Variants in CC2D2B observed in about 807,000 individuals in gnomAD.
CC2D2B encodes the protein protein CC2D2B.
A neutral mutation model predicts 161.2 loss-of-function variants in CC2D2B; 128 were observed. The ratio of observed to expected loss-of-function variants is 0.79; its 90% confidence interval spans 0.69 to 0.92. CC2D2B has a LOEUF of 0.92. Ranked by LOEUF, CC2D2B falls within the 40% of genes least tolerant of loss-of-function variation. The pLI, the probability that CC2D2B is intolerant of heterozygous loss-of-function variation, is 0.00. For synonymous variants in CC2D2B, 391 were observed against 449.8 expected, an observed-to-expected ratio of 0.87 and a Z score of 1.65; for missense variants, 1,173 against 1,375.1, an observed-to-expected ratio of 0.85 and a Z score of 2.32.
intron 6 of CC2D2B, among the ~76,000 whole-genome samples, chr10:95,930,302 C>T (rs1045722728): frequency 3.9e-5 from 6 of 152,280 alleles, no homozygotes; most frequent in East Asian, 1.9e-4. Flanking sequence ...TGGGCTGAGA[C>T]GATGGGGTTT....
chr10:95,945,250 A>ATTT, intron 9 of CC2D2B, among the ~76,000 whole-genome samples: 1 of 152,310 alleles, frequency 6.6e-6, no homozygotes, highest in South Asian at 2.1e-4. Context: ...CATGTCCTAG[A>ATTT]TTTTGTGTCA....
intron 23 of CC2D2B, among the ~76,000 whole-genome samples, chr10:95,995,691 G>T (rs1257944532): frequency 6.6e-6 from 1 of 152,130 alleles, no homozygotes; most frequent in Non-Finnish European, 1.5e-5. Context: ...TGTTTCCTTT[G>T]CCTGGAATGG....
intron 24 of CC2D2B, among the ~76,000 whole-genome samples, chr10:96,003,021 A>AATATATATATATATATATATATATATAT (rs57187442): frequency 1.1e-4 from 15 of 140,682 alleles, no homozygotes; most frequent in African/African-American, 1.6e-4. Context: ...AAAATAAATA[A>AATATATATATATATATATATATATATAT]ATATATATAT....
rs932713361 is a variant in CC2D2B at position 96,032,538 on chromosome 10, A to C, written c.*530A>C. On this transcript the variant is annotated 3_prime_UTR_variant, in exon 35 of 35. Transcript: ENST00000646931. Reference sequence around the variant, plus strand: ...GCCTTATAGAATGTTGTCACTACTAAACTAAGGCTGGTACGTTTGATGCTG... The same window carrying C: ...GCCTTATAGAATGTTGTCACTACTACACTAAGGCTGGTACGTTTGATGCTG... 16 of 299,292 alleles carry C rather than the reference A, an allele frequency of 5.3e-5. No homozygotes were observed. Among genetic ancestry groups the C allele is most frequent in the Non-Finnish European group, 4.7e-5 (7 of 150,008 alleles). 18.5% of individuals were successfully genotyped at this position (299,292 alleles called of 1,614,324 possible). A position where few individuals can be genotyped will look rare whatever the true frequency, so the allele number is the denominator to read the frequency against.
chr10:95,923,487 T>C (rs1324247508), intron 3 of CC2D2B, among the ~76,000 whole-genome samples: 2 of 152,254 alleles, frequency 1.3e-5, no homozygotes, highest in Non-Finnish European at 2.9e-5. Flanking sequence ...CAGAGACTTA[T>C]CACTCTTCTT....
At chr10:96,001,072 A>G (rs2078472124) in intron 24 of CC2D2B, among the ~76,000 whole-genome samples, 1 of 152,190 alleles carries the variant, frequency 6.6e-6, no homozygotes, top group Non-Finnish European at 1.5e-5. Context: ...CCAAGAAGGA[A>G]TAAAACAGAT....
At chr10:96,025,911 GC>G (rs2079751081) in intron 33 of CC2D2B, among the ~76,000 whole-genome samples, 1 of 152,032 alleles carries the variant, frequency 6.6e-6, no homozygotes, top group Non-Finnish European at 1.5e-5. Flanking sequence ...TCTCCCCCCA[GC>G]CCCCCAGCTG....
intron 6 of CC2D2B, among the ~76,000 whole-genome samples, chr10:95,935,537 A>G (rs1048320123): frequency 6.6e-6 from 1 of 151,730 alleles, no homozygotes; most frequent in African/African-American, 2.4e-5. Flanking sequence ...CTCATTCACA[A>G]TAAAAGTCCT....
At chr10:95,963,837 G>A (rs191201633) in intron 12 of CC2D2B, among the ~76,000 whole-genome samples, 1 of 152,216 alleles carries the variant, frequency 6.6e-6, no homozygotes, top group Non-Finnish European at 1.5e-5. Flanking sequence ...AAGTTACAGC[G>A]GCAGAAATGA....
At chr10:95,966,529 C>T (rs1564625110) in intron 14 of CC2D2B, among the ~76,000 whole-genome samples, 1 of 152,042 alleles carries the variant, frequency 6.6e-6, no homozygotes, top group Admixed American at 6.6e-5. Context: ...CAGGTTCACA[C>T]ATCTAATACA....
chr10:95,939,990 G>T (rs1464614299), intron 9 of CC2D2B, among the ~76,000 whole-genome samples: 1 of 152,098 alleles, frequency 6.6e-6, no homozygotes, highest in Non-Finnish European at 1.5e-5. Context: ...AGGTGTAATT[G>T]GCTCATGATT....
intron 24 of CC2D2B, among the ~76,000 whole-genome samples, chr10:95,997,276 A>G (rs908622754): frequency 6.6e-6 from 1 of 152,138 alleles, no homozygotes; most frequent in African/African-American, 2.4e-5. Flanking sequence ...AATTTTTGCC[A>G]TTACAAGCAA....
In CC2D2B at chr10:96,033,518, T is replaced by G. The variant is rs2080121696; in HGVS notation, c.*1510T>G. ...TGATTGATTTAGCACAAAATGATGC[T>G]GATGGAAAGATGAGGATGCCAAAGA... On this transcript the variant is annotated 3_prime_UTR_variant, in exon 35 of 35. Coordinates refer to ENST00000646931, the MANE Select transcript of CC2D2B (RefSeq NM_001349008.3). Among the ~76,000 whole-genome samples the G allele has an allele frequency of 6.6e-6, 1 of 152,240 alleles. No individual in the cohort carries two copies. Among genetic ancestry groups the G allele is most frequent in the Non-Finnish European group, 1.5e-5 (1 of 68,046 alleles).
rs763775803 is a variant in CC2D2B, at chr10:96,013,877, G to A, written c.3516G>A (p.Glu1172=). ...GCTCTGATATATGGATGACATCAGA[G>A]GTAATAAATTACATTTTATATATAT... The part of the protein sequence containing the change: ...NDGSDIWMTS[E]HCISLAIGNK... Residue 1172 remains glutamate (E), a splice_region_variant and synonymous_variant, in exon 29 of 35, where the codon GAG becomes GAA. Coordinates refer to ENST00000646931, the MANE Select transcript of CC2D2B (RefSeq NM_001349008.3). 2.0e-6 allele frequency: 3 copies of A among 1,475,372 alleles called. No homozygotes were observed. The highest frequency in any genetic ancestry group is 2.8e-5 in the African/African-American group (2 of 70,506). The allele number at this position is 1,475,372 out of a possible 1,614,324, so 91.4% of individuals were successfully genotyped here. A position where few individuals can be genotyped will look rare whatever the true frequency, so the allele number is the denominator to read the frequency against.
At chr10:95,978,133 A>G (rs1184874298) in intron 17 of CC2D2B, among the ~76,000 whole-genome samples, 1 of 152,182 alleles carries the variant, frequency 6.6e-6, no homozygotes, top group Non-Finnish European at 1.5e-5. Flanking sequence ...CATGAAAAAA[A>G]TTTTGCTTTA....
chr10:96,018,866 C>T, intron 30 of CC2D2B: 1 of 166,694 alleles, frequency 6.0e-6, no homozygotes, highest in East Asian at 1.7e-4. Context: ...GGCATTATCA[C>T]AGCTTATTGC....
At chr10:95,941,180 C>T (rs1462940156) in intron 9 of CC2D2B, among the ~76,000 whole-genome samples, 1 of 152,194 alleles carries the variant, frequency 6.6e-6, no homozygotes, top group Non-Finnish European at 1.5e-5. Flanking sequence ...ACATCATACA[C>T]AAACATCAAC....
chr10:96,005,578 TTC>T (rs1279283161), intron 25 of CC2D2B, among the ~76,000 whole-genome samples: 1 of 152,210 alleles, frequency 6.6e-6, no homozygotes, highest in Non-Finnish European at 1.5e-5. Flanking sequence ...TCCTCTTTTT[TTC>T]TCTGTGCCCC....
Position 95,990,655 on chromosome 10 carries a change from T to C in CC2D2B, c.2380-715T>C, listed in dbSNP as rs77220071. Among the ~76,000 whole-genome samples, 883 of 152,308 alleles carry C rather than the reference T, an allele frequency of 5.8e-3. 5 individuals carry two copies. Among genetic ancestry groups the C allele is most frequent in the Middle Eastern group, 0.014 (4 of 294 alleles). On this transcript the variant is annotated intron_variant, in intron 20 of 34. Transcript: ENST00000646931. The stretch of plus-strand genomic sequence containing the variant: ...CATTTCCCTACCCGCTTCAAGAAGA[T>C]AACTAGGGTCTCGATTACATTGTCT...
Sources: allele counts gnomAD v4.1 joint callset (sites outside exome capture counted in the v4.1 genomes callset), GRCh38; gene constraint gnomAD v4.1.1; transcripts MANE v1.5; gene names NCBI Gene and HGNC (gene_info 2026-07-23, HGNC 2026-07-21).